Variants in RPS6KC1 observed in about 807,000 individuals in gnomAD.
The protein encoded by RPS6KC1 is ribosomal protein S6 kinase C1, also known as inactive ribosomal protein S6 kinase delta-1.
In RPS6KC1, 54 loss-of-function variants were observed where a neutral mutation model predicts 103.8. The ratio of observed to expected loss-of-function variants is 0.52; its 90% CI spans 0.42 to 0.65. The LOEUF (loss-of-function observed/expected upper bound fraction) is 0.65, where lower values mean the gene tolerates loss of function less well. RPS6KC1 is among the 30% of genes least tolerant of loss of function. The pLI is 0.00. For missense variants in RPS6KC1, 1,151 were observed against 1,253.8 expected (o/e 0.92, Z 1.24); for synonymous variants, 439 against 438.7 (o/e 1.00, Z -0.01).
chr1:213,141,394 A>C (rs1334894706), intron 6 of RPS6KC1, among the ~76,000 whole-genome samples: 1 of 151,760 alleles, frequency 6.6e-6, no homozygotes. Flanking sequence ...AGGTTTTCTA[A>C]GTTTGTGTGC....
the RPS6KC1 span, among the ~76,000 whole-genome samples, chr1:213,588,462 C>G: frequency 6.6e-5 from 10 of 151,976 alleles, no homozygotes; most frequent in Non-Finnish European, 1.3e-4. Flanking sequence ...CCACACCCAG[C>G]TAATTTTTTT....
chr1:213,246,606 C>T lies in RPS6KC1; in HGVS notation c.2911+3948C>T, dbSNP rs144417131. Among the ~76,000 whole-genome samples, 659 of 152,144 alleles carry T rather than the reference C, an allele frequency of 4.3e-3. 4 individuals carry two copies. Among genetic ancestry groups the T allele is most frequent in the African/African-American group, 0.015 (635 of 41,502 alleles). The stretch of plus-strand genomic sequence containing the variant: ...TGTGCTTTATCATTTGATTTATTAA[C>T]TTATGATAATAAAGAATAAACCTTT... On this transcript the variant is annotated intron_variant, in intron 12 of 14. Transcript: ENST00000366960.
the RPS6KC1 span, among the ~76,000 whole-genome samples, chr1:213,413,503 C>A: frequency 2.0e-5 from 3 of 152,164 alleles, no homozygotes; most frequent in Non-Finnish European, 4.4e-5. Context: ...CTTATGAAGG[C>A]TGTGCTAGAT....
the RPS6KC1 span, among the ~76,000 whole-genome samples, chr1:213,306,320 T>C: frequency 6.6e-6 from 1 of 152,308 alleles, no homozygotes; most frequent in African/African-American, 2.4e-5. Context: ...TTGGTAAGCA[T>C]TATGTCTACC....
At chr1:213,779,549 G>A in the RPS6KC1 span, among the ~76,000 whole-genome samples, 1 of 152,266 alleles carries the variant, frequency 6.6e-6, no homozygotes, top group East Asian at 1.9e-4. Flanking sequence ...TGTCTTTGTT[G>A]TCTGTCGTGG....
intron 8 of RPS6KC1, among the ~76,000 whole-genome samples, chr1:213,225,757 C>G (rs957626505): frequency 6.6e-6 from 1 of 152,142 alleles, no homozygotes; most frequent in African/African-American, 2.4e-5. Flanking sequence ...AGGTATCACT[C>G]CTGATTTGTG....
the RPS6KC1 span, among the ~76,000 whole-genome samples, chr1:213,344,904 A>G: frequency 6.6e-6 from 1 of 152,284 alleles, no homozygotes; most frequent in African/African-American, 2.4e-5. Context: ...TATTGCATTC[A>G]TTGTTGTATT....
chr1:213,747,196 A>G, the RPS6KC1 span, among the ~76,000 whole-genome samples: 1 of 152,246 alleles, frequency 6.6e-6, no homozygotes, highest in Admixed American at 6.5e-5. Flanking sequence ...AAACTTGTGA[A>G]GTAGGAGTTT....
the RPS6KC1 span, among the ~76,000 whole-genome samples, chr1:213,829,271 A>AG: frequency 7.3e-6 from 1 of 137,218 alleles, no homozygotes; most frequent in South Asian, 2.1e-4. Flanking sequence ...TTTGTTTCAA[A>AG]AAAAAAAAAA....
the RPS6KC1 span, among the ~76,000 whole-genome samples, chr1:213,580,893 G>A: frequency 2.6e-5 from 4 of 152,038 alleles, no homozygotes; most frequent in South Asian, 2.1e-4. Context: ...ACTGGAAACC[G>A]AAAAAAATTC....
chr1:213,490,447 C>T, the RPS6KC1 span, among the ~76,000 whole-genome samples: 4 of 152,184 alleles, frequency 2.6e-5, no homozygotes, highest in Admixed American at 2.6e-4. Flanking sequence ...TTTTCTGCTT[C>T]CCTCTTGACT....
At chr1:213,759,683 C>T in the RPS6KC1 span, among the ~76,000 whole-genome samples, 4 of 152,356 alleles carry the variant, frequency 2.6e-5, no homozygotes, top group East Asian at 7.7e-4. Context: ...TGTCTTCTTC[C>T]CACAGACCTG....
chr1:213,542,844 G>T, the RPS6KC1 span, among the ~76,000 whole-genome samples: 3 of 152,248 alleles, frequency 2.0e-5, no homozygotes, highest in Non-Finnish European at 2.9e-5. Flanking sequence ...TGAACAGGCA[G>T]TTAAATCCCA....
chr1:213,249,317 A>C (rs2094504397), intron 12 of RPS6KC1, among the ~76,000 whole-genome samples: 1 of 152,320 alleles, frequency 6.6e-6, no homozygotes, highest in Admixed American at 6.5e-5. Context: ...CAGTTTCTGT[A>C]TCCCATAACA....
the RPS6KC1 span, among the ~76,000 whole-genome samples, chr1:213,606,411 G>C: frequency 7.2e-5 from 11 of 152,312 alleles, no homozygotes; most frequent in East Asian, 1.5e-3. Flanking sequence ...GTCACATTCT[G>C]TTCCTGGGTC....
Position 213,071,047 on chromosome 1 carries a change from AT to A in RPS6KC1, c.141+9del. ...ATCCAGAGGATGTCCAGGAGGTAAC[AT>A]TTATATGAAGATTTTATTTTATGTA... is the stretch of plus-strand genomic sequence containing the variant. On this transcript the variant is annotated splice_region_variant and intron_variant, in intron 2 of 14. Coordinates refer to ENST00000366960, the MANE Select transcript of RPS6KC1 (RefSeq NM_012424.6). The A allele has an allele frequency of 6.6e-7, 1 of 1,511,122 alleles. No homozygotes were observed. Among genetic ancestry groups the A allele is most frequent in the Non-Finnish European group, 9.0e-7 (1 of 1,108,412 alleles). 93.6% of individuals were successfully genotyped at this position (1,511,122 alleles called of 1,614,324 possible).
At chr1:213,509,290 T>G in the RPS6KC1 span, among the ~76,000 whole-genome samples, 335 of 152,120 alleles carry the variant, frequency 2.2e-3, 2 homozygotes, top group South Asian at 9.3e-3. Flanking sequence ...TGTCTTTACC[T>G]GTCTTTTGAG....
chr1:213,521,920 G>A, the RPS6KC1 span, among the ~76,000 whole-genome samples: 2 of 152,110 alleles, frequency 1.3e-5, no homozygotes, highest in African/African-American at 4.8e-5. Flanking sequence ...TGTTGGAATC[G>A]ACTTCTTCCA....
chr1:213,792,042 C>A, the RPS6KC1 span, among the ~76,000 whole-genome samples: 1 of 152,166 alleles, frequency 6.6e-6, no homozygotes, highest in African/African-American at 2.4e-5. Context: ...AGATCACAGG[C>A]AAGATCACCT....
Sources: allele counts gnomAD v4.1 joint callset (sites outside exome capture counted in the v4.1 genomes callset), GRCh38; gene constraint gnomAD v4.1.1; transcripts MANE v1.5; gene names NCBI Gene and HGNC (gene_info 2026-07-23, HGNC 2026-07-21).